THSD7B: variants seen among roughly 807,000 people sequenced by gnomAD.
THSD7B encodes the protein thrombospondin type-1 domain-containing protein 7B.
A neutral mutation model predicts 213.6 loss-of-function variants in THSD7B; 138 were observed. That is an observed-to-expected ratio of 0.65 (90% CI 0.56 to 0.74). THSD7B has a LOEUF of 0.74. THSD7B is among the 30% of genes least tolerant of loss of function. The probability of loss-of-function intolerance (pLI) is 0.00; values close to 1 mark genes in which losing one functional copy is unlikely to be tolerated. For missense variants in THSD7B, 1,931 were observed against 1,991.5 expected, an observed-to-expected ratio of 0.97 and a Z score of 0.58; for synonymous variants, 742 against 687.0, an observed-to-expected ratio of 1.08 and a Z score of -1.25.
intron 1 of THSD7B, among the ~76,000 whole-genome samples, chr2:136,767,919 T>C (rs1374961593): frequency 6.6e-6 from 1 of 152,104 alleles, no homozygotes; most frequent in Admixed American, 6.5e-5. Context: ...TTCTGGCCCA[T>C]TGTTTTCCAT....
chr2:137,546,435 T>TATTATATATTA lies in THSD7B; in HGVS notation c.3139-16786_3139-16785insATTATATATTA, dbSNP rs1558834393. 1.8e-4 allele frequency among the ~76,000 whole-genome samples: 6 copies of TATTATATATTA among 32,734 alleles called. 1 individual carries two copies. Among genetic ancestry groups the TATTATATATTA allele is most frequent in the African/African-American group, 3.9e-4 (2 of 5,100 alleles). The allele number at this position is 32,734 out of a possible 152,430, so 21.5% of individuals were successfully genotyped here. A position where few individuals can be genotyped will look rare whatever the true frequency, so the allele number is the denominator to read the frequency against. On this transcript the variant is annotated intron_variant, in intron 15 of 27. Transcript: ENST00000409968. Reference sequence around the variant, plus strand: ...ATATATTATATATATTATATATATATTATATATATTATATATATATTATAT... The same window carrying TATTATATATTA: ...ATATATTATATATATTATATATATATATTATATATTATATATATATTATATATATATTATAT...
rs149158020 is a variant in THSD7B, at chr2:136,819,686, G to GC, written c.-36+54007dup. On this transcript the variant is annotated intron_variant, in intron 1 of 27. Coordinates refer to ENST00000409968, the MANE Select transcript of THSD7B (RefSeq NM_001316349.2). ...AGAGGCTCCTGAGGACCTTGCTTAT[G>GC]CCCCCCCCAGTCCAGCTGAGGCTGA... Among the ~76,000 whole-genome samples, 1,353 of 151,682 alleles carry GC rather than the reference G, an allele frequency of 8.9e-3. 27 individuals carry two copies. Among genetic ancestry groups the GC allele is most frequent in the African/African-American group, 0.028 (1,149 of 41,362 alleles).
At chr2:136,955,912 A>G (rs1402000572) in intron 2 of THSD7B, among the ~76,000 whole-genome samples, 1 of 151,988 alleles carries the variant, frequency 6.6e-6, no homozygotes, top group African/African-American at 2.4e-5. Flanking sequence ...TCGGCCTCCC[A>G]AAGTGCTGGG....
At chr2:137,580,409 T>C (rs1681549586) in intron 17 of THSD7B, among the ~76,000 whole-genome samples, 1 of 152,186 alleles carries the variant, frequency 6.6e-6, no homozygotes, top group African/African-American at 2.4e-5. Flanking sequence ...TCCAACTGTT[T>C]TCTTAATTTT....
At chr2:137,335,964 T>C (rs960859027) in intron 12 of THSD7B, among the ~76,000 whole-genome samples, 4 of 152,200 alleles carry the variant, frequency 2.6e-5, no homozygotes, top group Non-Finnish European at 5.9e-5. Context: ...GTATTCTTTC[T>C]GATAGCAAGC....
At chr2:137,148,928 G>A (rs1326263347) in intron 5 of THSD7B, among the ~76,000 whole-genome samples, 1 of 152,192 alleles carries the variant, frequency 6.6e-6, no homozygotes, top group African/African-American at 2.4e-5. Context: ...ACAAATGTTA[G>A]TCACCAAGAC....
intron 2 of THSD7B, among the ~76,000 whole-genome samples, chr2:136,983,515 T>C (rs4954459): frequency 0.08 from 12,170 of 151,672 alleles, 612 homozygotes; most frequent in East Asian, 0.21. Flanking sequence ...TTTTTTTTTT[T>C]TTCTGAGGAG....
At chr2:137,130,765 A>T (rs1382271770) in intron 5 of THSD7B, among the ~76,000 whole-genome samples, 3 of 133,082 alleles carry the variant, frequency 2.3e-5, no homozygotes, top group African/African-American at 7.9e-5. Flanking sequence ...CATTTTCTTA[A>T]TCCAGTCTAT....
At chr2:137,221,049 C>T (rs771159608) in intron 7 of THSD7B, among the ~76,000 whole-genome samples, 1 of 152,102 alleles carries the variant, frequency 6.6e-6, no homozygotes, top group Non-Finnish European at 1.5e-5. Flanking sequence ...GCCTGTAATC[C>T]CAGCACTTTG....
At chr2:137,155,250 G>C (rs1679891133) in intron 5 of THSD7B, among the ~76,000 whole-genome samples, 1 of 152,116 alleles carries the variant, frequency 6.6e-6, no homozygotes, top group Non-Finnish European at 1.5e-5. Context: ...AACCTAAATA[G>C]CCTATAAGAC....
rs1244287231 is a variant in THSD7B at position 137,642,551 on chromosome 2, C to T, written c.3863C>T (p.Thr1288Ile). 1.9e-6 allele frequency: 3 copies of T among 1,613,908 alleles called. No individual in the cohort carries two copies. Among genetic ancestry groups the T allele is most frequent in the Non-Finnish European group, 1.7e-6 (2 of 1,179,882 alleles). The change falls in exon 21 of 28, where the codon ACA becomes ATA. Residue 1288 changes from threonine to isoleucine, a missense_variant. Thr to Ile is a moderately conservative substitution (Grantham distance 89). Transcript: ENST00000409968. ...CAAGGAGAAGGACGGCCATGCCCCACAGAGCTTACCCAGGAGAAAACCTGC... is the reference window on the plus strand; with the variant it reads ...CAAGGAGAAGGACGGCCATGCCCCATAGAGCTTACCCAGGAGAAAACCTGC... ...PTQGEGRPCP[T>I]ELTQEKTCPV...
chr2:136,766,971 GGTGTGTGTGTGTTT>G (rs1042240674), intron 1 of THSD7B, among the ~76,000 whole-genome samples: 1 of 144,390 alleles, frequency 6.9e-6, no homozygotes, highest in African/African-American at 2.5e-5. Context: ...ACTGTGGTGG[GGTGTGTGTGTGTTT>G]GTGTGTGTGT....
chr2:137,273,196 A>G (rs1682789580), intron 11 of THSD7B, among the ~76,000 whole-genome samples: 1 of 152,072 alleles, frequency 6.6e-6, no homozygotes, highest in Non-Finnish European at 1.5e-5. Flanking sequence ...TGTGATACAC[A>G]ATTTCAGAAA....
Position 137,614,592 on chromosome 2 carries a change from A to G in THSD7B, c.3424-1583A>G, listed in dbSNP as rs1012826240. Among the ~76,000 whole-genome samples, 7 of 152,292 alleles carry G rather than the reference A, an allele frequency of 4.6e-5. No individual in the cohort carries two copies. The East Asian group carries it at 1.4e-3, about 29-fold the overall frequency. On this transcript the variant is annotated intron_variant, in intron 17 of 27. Transcript: ENST00000409968. ...CCACATGAAAAGAAGCATTCAAATTAATTGGTAAAATAGTGATAAATTATT... is the reference window on the plus strand; with the variant it reads ...CCACATGAAAAGAAGCATTCAAATTGATTGGTAAAATAGTGATAAATTATT...
intron 2 of THSD7B, among the ~76,000 whole-genome samples, chr2:136,955,362 C>G (rs2105077373): frequency 6.6e-6 from 1 of 152,314 alleles, no homozygotes; most frequent in South Asian, 2.1e-4. Context: ...ACAAAATCAC[C>G]TAGCTAAATT....
At chr2:137,182,445 A>G (rs1226091573) in intron 7 of THSD7B, among the ~76,000 whole-genome samples, 2 of 151,570 alleles carry the variant, frequency 1.3e-5, no homozygotes, top group Non-Finnish European at 2.9e-5. Context: ...GAAGCTGCCT[A>G]TAGTGTATGA....
chr2:137,019,524 T>A (rs943482484), intron 2 of THSD7B, among the ~76,000 whole-genome samples: 5 of 152,202 alleles, frequency 3.3e-5, no homozygotes, highest in African/African-American at 1.2e-4. Context: ...TGGACTTTTA[T>A]AATTATTTGC....
At chr2:137,101,566 T>G (rs1688150445) in intron 4 of THSD7B, among the ~76,000 whole-genome samples, 1 of 152,100 alleles carries the variant, frequency 6.6e-6, no homozygotes, top group South Asian at 2.1e-4. Context: ...GAAAGGGGGC[T>G]GAAGGCGGGG....
At position 137,183,268 on chromosome 2, in the gene THSD7B, A is replaced by G. The variant is rs149712422; in HGVS notation, c.1723+12330A>G. On this transcript the variant is annotated intron_variant, in intron 7 of 27. Coordinates refer to ENST00000409968, the MANE Select transcript of THSD7B (RefSeq NM_001316349.2). ...TTTGTATTCCCTGTGCACTGCCCCA[A>G]TGTAAACATCTCACATAACCATAGT... 2.2e-4 allele frequency among the ~76,000 whole-genome samples: 33 copies of G among 152,262 alleles called. 1 individual carries two copies. Among genetic ancestry groups the G allele is most frequent in the African/African-American group, 4.8e-4 (20 of 41,552 alleles).
Sources: allele counts gnomAD v4.1 joint callset (sites outside exome capture counted in the v4.1 genomes callset), GRCh38; gene constraint gnomAD v4.1.1; transcripts MANE v1.5; gene names NCBI Gene and HGNC (gene_info 2026-07-23, HGNC 2026-07-21).